DOCK7: variants seen among roughly 807,000 people sequenced by gnomAD.
DOCK7 encodes the protein dedicator of cytokinesis 7.
Under a neutral mutation model 271.0 loss-of-function variants are expected in DOCK7, and 138 were observed. The observed-to-expected ratio is 0.51, with a 90% CI of 0.44 to 0.59. The LOEUF (loss-of-function observed/expected upper bound fraction) is 0.59. Ranked by LOEUF, DOCK7 falls within the 20% of genes least tolerant of loss-of-function variation. The probability of loss-of-function intolerance (pLI) is 0.00; values close to 1 mark genes in which losing one functional copy is unlikely to be tolerated. For missense variants in DOCK7, 2,066 were observed against 2,592.4 expected (o/e 0.80, Z 4.41); for synonymous variants, 823 against 876.1 (o/e 0.94, Z 1.07).
chr1:62,563,487 T>C (rs1287709254), intron 18 of DOCK7, among the ~76,000 whole-genome samples: 1 of 152,054 alleles, frequency 6.6e-6, no homozygotes, highest in Non-Finnish European at 1.5e-5. Context: ...AAAGCAATTA[T>C]GAATGTCTTT....
At chr1:62,644,145 A>C (rs1208106994) in intron 7 of DOCK7, among the ~76,000 whole-genome samples, 1 of 152,190 alleles carries the variant, frequency 6.6e-6, no homozygotes, top group African/African-American at 2.4e-5. Flanking sequence ...CTATATTTTT[A>C]AAGTGAATTC....
intron 8 of DOCK7, among the ~76,000 whole-genome samples, chr1:62,636,235 C>T (rs553446891): frequency 1.2e-3 from 183 of 152,288 alleles, no homozygotes; most frequent in Non-Finnish European, 2.0e-3. Flanking sequence ...AATTCACTGT[C>T]ATTGTCATTC....
At chr1:62,625,101 C>A in intron 12 of DOCK7, 158 bp downstream of exon 12, 1 of 538,438 alleles carries the variant, frequency 1.9e-6, no homozygotes, top group Non-Finnish European at 3.1e-6. Context: ...TAAATCGTTT[C>A]TCATTCTTAT....
chr1:62,541,846 A>G (rs1645545111), intron 25 of DOCK7, among the ~76,000 whole-genome samples: 1 of 152,160 alleles, frequency 6.6e-6, no homozygotes, highest in Admixed American at 6.5e-5. Flanking sequence ...ACTCATTTTA[A>G]AAGTGTCACT....
chr1:62,679,743 T>G (rs1660903144), intron 1 of DOCK7, among the ~76,000 whole-genome samples: 1 of 152,186 alleles, frequency 6.6e-6, no homozygotes, highest in Non-Finnish European at 1.5e-5. Context: ...TAAACATTGC[T>G]GTAGCAATAA....
At chr1:62,577,860 AACTGTGTTAT>A (rs1646983977) in intron 17 of DOCK7, among the ~76,000 whole-genome samples, 2 of 152,180 alleles carry the variant, frequency 1.3e-5, no homozygotes, top group African/African-American at 2.4e-5. Flanking sequence ...TTTCTGACAG[AACTGTGTTAT>A]ACCATGACTT....
intron 18 of DOCK7, among the ~76,000 whole-genome samples, chr1:62,561,985 T>TATGTACATATATGTACATATAC (rs1272030947): frequency 1.2e-4 from 18 of 151,570 alleles, no homozygotes; most frequent in African/African-American, 4.4e-4. Context: ...AACCTTCATA[T>TATGTACATATATGTACATATAC]ATGTACATAT....
intron 18 of DOCK7, among the ~76,000 whole-genome samples, chr1:62,564,203 T>C (rs1646434262): frequency 6.6e-6 from 1 of 152,196 alleles, no homozygotes; most frequent in Non-Finnish European, 1.5e-5. Context: ...AACTCAGCTC[T>C]GGACCAAGCG....
chr1:62,464,543 G>A (rs373573941), intron 48 of DOCK7, among the ~76,000 whole-genome samples: 2 of 152,016 alleles, frequency 1.3e-5, no homozygotes, highest in African/African-American at 4.8e-5. Flanking sequence ...TTAGCTGGGT[G>A]TGGTGGTGCG....
rs1277973673 is a variant in DOCK7, at chr1:62,455,175, A to T, written c.*239T>A. The T allele has an allele frequency of 1.5e-5, 9 of 618,884 alleles. No individual in the cohort carries two copies. The highest frequency in any genetic ancestry group is 2.3e-5 in the Non-Finnish European group (8 of 350,486). 38.3% of individuals were successfully genotyped at this position (618,884 alleles called of 1,614,324 possible). A position where few individuals can be genotyped will look rare whatever the true frequency, so the allele number is the denominator to read the frequency against. On this transcript the variant is annotated 3_prime_UTR_variant, in exon 50 of 50. Coordinates refer to ENST00000635253, the MANE Select transcript of DOCK7 (RefSeq NM_001367561.1). ...ATGGTATAAATAATGGTAAATGTAT[A>T]GTGTACCTTTGAGTCATTAAAATGT...
intron 48 of DOCK7, among the ~76,000 whole-genome samples, chr1:62,470,427 G>A (rs751545652): frequency 6.6e-6 from 1 of 152,082 alleles, no homozygotes; most frequent in Non-Finnish European, 1.5e-5. Flanking sequence ...AGAAAGGGTG[G>A]GAAGGGATGA....
chr1:62,513,760 G>A lies in DOCK7; in HGVS notation c.4075C>T (p.Leu1359=), dbSNP rs780595603. ...ACACAGAGATAAAGCAGATCTAATA[G>A]CCGGTTTAGCTGCAAGACTGAGAGA... The part of the protein sequence containing the change: ...TDLSVLQLNR[L]LDLLYLCVSC... The change falls in exon 32 of 50, where the codon CTA becomes TTA. Residue 1359 remains leucine, a synonymous_variant. Coordinates refer to ENST00000635253, the MANE Select transcript of DOCK7 (RefSeq NM_001367561.1). 6.2e-7 allele frequency: 1 copy of A among 1,614,068 alleles called. No homozygotes were observed. Among genetic ancestry groups the A allele is most frequent in the Non-Finnish European group, 8.5e-7 (1 of 1,179,992 alleles).
chr1:62,488,391 GAATTA>G lies in DOCK7; in HGVS notation c.5493+538_5493+542del, dbSNP rs1646359028. 3.2e-5 allele frequency: 5 copies of G among 154,004 alleles called. No homozygotes were observed. The Admixed American group carries it at 3.3e-4, about 10-fold the overall frequency. The allele number at this position is 154,004 out of a possible 1,614,324, so 9.5% of individuals were successfully genotyped here. On this transcript the variant is annotated intron_variant, in intron 42 of 49. Transcript: ENST00000635253. ...AAGATTAAGTAATGAAATACTATTA[GAATTA>G]AATATACATTAAGACAACCATTTTA...
intron 12 of DOCK7, among the ~76,000 whole-genome samples, 170 bp from the exon 13 acceptor site, chr1:62,620,163 T>C (rs1484300984): frequency 6.7e-6 from 1 of 150,334 alleles, no homozygotes; most frequent in Non-Finnish European, 1.5e-5. Context: ...CTACTAAAAA[T>C]ACAAAAAAAA....
intron 16 of DOCK7, among the ~76,000 whole-genome samples, chr1:62,582,578 A>G (rs1481024499): frequency 6.8e-6 from 1 of 147,422 alleles, no homozygotes; most frequent in East Asian, 2.0e-4. Context: ...AAAAAAAAAA[A>G]AGATTATAAA....
intron 14 of DOCK7, among the ~76,000 whole-genome samples, chr1:62,616,693 A>T (rs977351957): frequency 6.6e-6 from 1 of 151,764 alleles, no homozygotes; most frequent in Non-Finnish European, 1.5e-5. Flanking sequence ...AGACTGAATA[A>T]ACTAATTTAA....
At chr1:62,660,338 G>A (rs1658521846) in intron 2 of DOCK7, among the ~76,000 whole-genome samples, 1 of 152,038 alleles carries the variant, frequency 6.6e-6, no homozygotes, top group Admixed American at 6.6e-5. Flanking sequence ...ACAAAAGTCT[G>A]AAAAATGAAA....
Position 62,496,495 on chromosome 1 carries a change from G to C in DOCK7, c.4767C>G (p.Asn1589Lys), listed in dbSNP as rs756863967. 6.2e-7 allele frequency: 1 copy of C among 1,610,260 alleles called. No homozygotes were observed. The highest frequency in any genetic ancestry group is 1.1e-5 in the South Asian group (1 of 89,982). The change falls in exon 38 of 50, where the codon AAC becomes AAG. Residue 1589 changes from asparagine to lysine, a missense_variant and splice_region_variant. Around this residue, in one of 2 missense-constraint regions of DOCK7, gnomAD observed 652 missense variants for 922.1 expected, o/e 0.71. Coordinates refer to ENST00000635253, the MANE Select transcript of DOCK7 (RefSeq NM_001367561.1). ...TTACCTGCATTTTAACCCTGGCAAA[G>C]TTCTGTAACAGAGAAATTGTCCAGT... ...LMRQNFEIGN[N>K]FARVKMQVTM...
intron 48 of DOCK7, among the ~76,000 whole-genome samples, chr1:62,470,178 T>C (rs1469912812): frequency 6.6e-6 from 1 of 152,218 alleles, no homozygotes; most frequent in Non-Finnish European, 1.5e-5. Context: ...CAAATGCCCA[T>C]TAATCAATGA....
Sources: allele counts gnomAD v4.1 joint callset (sites outside exome capture counted in the v4.1 genomes callset), GRCh38; gene constraint gnomAD v4.1.1; regional missense constraint gnomAD v4.1.1; transcripts MANE v1.5; gene names NCBI Gene and HGNC (gene_info 2026-07-23, HGNC 2026-07-21).